Variants in TMCC3 observed in about 807,000 individuals in gnomAD.
TMCC3 encodes the protein transmembrane and coiled-coil domain family 3, also known as transmembrane and coiled-coil domain protein 3.
A neutral mutation model predicts 40.2 loss-of-function variants in TMCC3; 28 were observed. That is an observed-to-expected ratio of 0.70 (90% CI 0.52 to 0.95). The LOEUF (loss-of-function observed/expected upper bound fraction) is 0.95, where lower values mean the gene tolerates loss of function less well. Among genes scored for constraint, TMCC3 ranks in the 40% least tolerant of loss-of-function variants. The pLI is 0.00. For missense variants in TMCC3, 554 were observed against 615.2 expected (o/e 0.90, Z 1.05); for synonymous variants, 255 against 248.5 (o/e 1.03, Z -0.25).
At chr12:94,611,378 T>A (rs2068814876) in intron 1 of TMCC3, among the ~76,000 whole-genome samples, 1 of 152,202 alleles carries the variant, frequency 6.6e-6, no homozygotes, top group Non-Finnish European at 1.5e-5. Flanking sequence ...AATAACTTCA[T>A]AAAATGCTGT....
intron 1 of TMCC3, among the ~76,000 whole-genome samples, chr12:94,618,332 C>T (rs775620050): frequency 1.3e-5 from 2 of 152,172 alleles, no homozygotes; most frequent in African/African-American, 2.4e-5. Context: ...TCTTCCTTCC[C>T]CCTTCTTCCC....
intron 1 of TMCC3, among the ~76,000 whole-genome samples, chr12:94,649,581 T>C (rs1361260252): frequency 1.3e-5 from 2 of 152,202 alleles, no homozygotes; most frequent in Non-Finnish European, 2.9e-5. Flanking sequence ...GCCTCGACGA[T>C]TCAACAGCCC....
intron 1 of TMCC3, among the ~76,000 whole-genome samples, chr12:94,584,308 C>T (rs1006556219): frequency 2.3e-4 from 35 of 152,104 alleles, no homozygotes; most frequent in Non-Finnish European, 5.9e-5. Context: ...CTCCTGCTTT[C>T]GCCGTGGGAA....
At chr12:94,639,364 T>C (rs1051258023) in intron 1 of TMCC3, among the ~76,000 whole-genome samples, 1 of 152,124 alleles carries the variant, frequency 6.6e-6, no homozygotes. Flanking sequence ...GGTGGATCAC[T>C]TGAGGCCAGG....
intron 1 of TMCC3, among the ~76,000 whole-genome samples, chr12:94,628,845 C>T (rs991905671): frequency 2.6e-5 from 4 of 152,188 alleles, no homozygotes; most frequent in Non-Finnish European, 2.9e-5. Flanking sequence ...TGAAATTCTA[C>T]GAAGGGACTA....
In TMCC3 at chr12:94,634,658, G is replaced by C. The variant is rs1201704914; in HGVS notation, c.78+15695C>G. Among the ~76,000 whole-genome samples, 6 of 152,150 alleles carry C rather than the reference G, an allele frequency of 3.9e-5. 1 individual carries two copies. Among genetic ancestry groups the C allele is most frequent in the Admixed American group, 3.9e-4 (6 of 15,288 alleles). ...ACCCAAACAATAAAAGCATTTCTAG[G>C]TGGTAGAAACAGATGCTGATTTTGC... On this transcript the variant is annotated intron_variant, in intron 1 of 3. Transcript: ENST00000261226.
At position 94,621,596 on chromosome 12, in the gene TMCC3, GTTCT is replaced by G. The variant is rs560399292; in HGVS notation, c.78+28753_78+28756del. Among the ~76,000 whole-genome samples, 524 of 152,288 alleles carry G rather than the reference GTTCT, an allele frequency of 3.4e-3. 4 individuals are homozygous for G. Among genetic ancestry groups the G allele is most frequent in the Non-Finnish European group, 4.6e-3 (310 of 68,024 alleles). On this transcript the variant is annotated intron_variant, in intron 1 of 3. Coordinates refer to ENST00000261226, the MANE Select transcript of TMCC3 (RefSeq NM_020698.4). ...TACTGGAGGTTCTGCAGTACCCCAG[GTTCT>G]TTATCTAAACAGGAAAGTTAGGAAA...
chr12:94,612,348 G>C (rs1217612055), intron 1 of TMCC3, among the ~76,000 whole-genome samples: 3 of 150,890 alleles, frequency 2.0e-5, no homozygotes, highest in Non-Finnish European at 4.4e-5. Context: ...GTCTCGCTCT[G>C]TCACCAGGCT....
At chr12:94,619,490 G>A (rs551137160) in intron 1 of TMCC3, among the ~76,000 whole-genome samples, 9 of 152,284 alleles carry the variant, frequency 5.9e-5, no homozygotes, top group South Asian at 4.1e-4. Context: ...TCCAGGCAGA[G>A]GCCCCTGAGT....
intron 1 of TMCC3, among the ~76,000 whole-genome samples, chr12:94,599,366 A>G (rs1027917398): frequency 6.6e-6 from 1 of 152,164 alleles, no homozygotes; most frequent in African/African-American, 2.4e-5. Context: ...TTTCAACAGA[A>G]GCCAATCATT....
intron 1 of TMCC3, among the ~76,000 whole-genome samples, chr12:94,601,725 C>T (rs2068753547): frequency 7.3e-6 from 1 of 137,852 alleles, no homozygotes; most frequent in South Asian, 2.4e-4. Context: ...AGGAGAATTG[C>T]TTGAACCCGG....
At chr12:94,571,761 G>T in intron 3 of TMCC3, 24 bp from the exon 4 acceptor site, 1 of 1,610,258 alleles carries the variant, frequency 6.2e-7, no homozygotes, top group Non-Finnish European at 8.5e-7. Flanking sequence ...GGAGAGCAAG[G>T]GTCAAACGGT....
rs184771720 is a variant in TMCC3, at chr12:94,570,288, G to A, written c.*1147C>T. 19 of 152,290 alleles carry A rather than the reference G, an allele frequency of 1.2e-4. No homozygotes were observed. The highest frequency in any genetic ancestry group is 1.1e-3 in the Admixed American group (17 of 15,304). The allele number at this position is 152,290 out of a possible 1,614,324, so 9.4% of individuals were successfully genotyped here. A position where few individuals can be genotyped will look rare whatever the true frequency, so the allele number is the denominator to read the frequency against. ...ATGCTTTCAGCGTTCCGACACCTCA[G>A]TGCACTTGAACTTTAGAGGCTATGG... On this transcript the variant is annotated 3_prime_UTR_variant, in exon 4 of 4. Transcript: ENST00000261226.
At chr12:94,650,305 GC>G (rs2069048874) in intron 1 of TMCC3, 47 bp downstream of exon 1, 6 of 1,161,728 alleles carry the variant, frequency 5.2e-6, no homozygotes, top group South Asian at 3.9e-5. Flanking sequence ...AGCCCGCCTC[GC>G]CCCCGGGCCC....
intron 1 of TMCC3, among the ~76,000 whole-genome samples, chr12:94,597,591 G>A (rs2068726475): frequency 1.3e-5 from 2 of 152,068 alleles, no homozygotes; most frequent in African/African-American, 2.4e-5. Flanking sequence ...GATCACCTGA[G>A]GTCAGGAGTT....
chr12:94,626,285 C>T (rs1337344118), intron 1 of TMCC3, among the ~76,000 whole-genome samples: 3 of 152,140 alleles, frequency 2.0e-5, no homozygotes, highest in African/African-American at 2.4e-5. Flanking sequence ...ACAGACAAAC[C>T]GTATCATCTG....
intron 1 of TMCC3, chr12:94,598,555 C>G: frequency 1.0e-6 from 1 of 984,182 alleles, no homozygotes; most frequent in Non-Finnish European, 1.2e-6. Context: ...CCCAAGATAC[C>G]TTGCATAATA....
rs1341362304 is a variant in TMCC3 at position 94,602,368 on chromosome 12, T to G, written c.79-19830A>C. Among the ~76,000 whole-genome samples, 7 of 152,228 alleles carry G rather than the reference T, an allele frequency of 4.6e-5. No homozygotes were observed. In the East Asian group the frequency reaches 1.3e-3, roughly 29 times the overall value. ...TTGTGGTTTTCACAGGGCTTTAAAA[T>G]AACTAAATCTAGGAACATCAAAAGT... On this transcript the variant is annotated intron_variant, in intron 1 of 3. Coordinates refer to ENST00000261226, the MANE Select transcript of TMCC3 (RefSeq NM_020698.4).
At chr12:94,573,163 T>C (rs990445860) in intron 3 of TMCC3, among the ~76,000 whole-genome samples, 4 of 152,152 alleles carry the variant, frequency 2.6e-5, no homozygotes, top group African/African-American at 9.7e-5. Flanking sequence ...TACAGCACCA[T>C]GATCCACCCA....
Sources: gnomAD v4.1 joint callset for allele counts (sites outside exome capture counted in the v4.1 genomes callset) on GRCh38, gnomAD v4.1.1 for gene constraint, MANE v1.5 for transcripts, NCBI Gene and HGNC (gene_info 2026-07-23, HGNC 2026-07-21) for gene names.